ZNF43: variants seen among roughly 807,000 people sequenced by gnomAD.
ZNF43 encodes the protein zinc finger protein 43, also known as zinc finger protein 39-like 1 (KOX 27).
ZNF43 carries 44 observed loss-of-function variants against 68.4 expected under a neutral mutation model. The observed-to-expected ratio is 0.64, with a 90% CI of 0.51 to 0.83. The LOEUF (loss-of-function observed/expected upper bound fraction) is 0.83. ZNF43 is among the 40% of genes least tolerant of loss of function. The probability of loss-of-function intolerance (pLI) is 0.00; values close to 1 mark genes in which losing one functional copy is unlikely to be tolerated. For missense variants in ZNF43, 896 were observed against 933.2 expected (o/e 0.96, Z 0.52); for synonymous variants, 308 against 307.8 (o/e 1.00, Z -0.01).
rs990895750 is a variant in ZNF43, at chr19:21,827,614, G to A, written c.4-8393C>T. Among the ~76,000 whole-genome samples the A allele has an allele frequency of 2.6e-5, 4 of 151,044 alleles. No individual in the cohort carries two copies. In the East Asian group the frequency reaches 5.9e-4, roughly 22 times the overall value. On this transcript the variant is annotated intron_variant, in intron 1 of 3. Transcript: ENST00000354959. Reference sequence around the variant, plus strand: ...CAACCTCAAGTGATCCACCCACCTTGGCCTCCCAAAGTGCTGGGATTACAG... The same window carrying A: ...CAACCTCAAGTGATCCACCCACCTTAGCCTCCCAAAGTGCTGGGATTACAG...
Position 21,809,336 on chromosome 19 carries a change from T to C in ZNF43, c.701A>G (p.Glu234Gly). 1 of 1,613,884 alleles carries C rather than the reference T, an allele frequency of 6.2e-7. No homozygotes were observed. The highest frequency in any genetic ancestry group is 8.5e-7 in the Non-Finnish European group (1 of 1,179,910). Residue 234 changes from glutamate (E) to glycine (G), a missense_variant, in exon 4 of 4, where the codon GAA becomes GGA. Physicochemically the swap from Glu to Gly is moderately conservative, Grantham distance 98. Coordinates refer to ENST00000354959, the MANE Select transcript of ZNF43 (RefSeq NM_003423.4). The part of the protein sequence containing the change: ...NTGEKPYTCE[E>G]CGKVFNWSSR... ...GGACCAATTAAAGACTTTGCCACAT[T>C]CTTCACATGTGTAGGGTTTCTCTCC... is the stretch of plus-strand genomic sequence containing the variant.
At position 21,808,865 on chromosome 19, in the gene ZNF43, A is replaced by T. The variant is rs2037118610; in HGVS notation, c.1172T>A (p.Ile391Asn). 6.2e-7 allele frequency: 1 copy of T among 1,612,986 alleles called. No individual in the cohort carries two copies. The highest frequency in any genetic ancestry group is 8.5e-7 in the Non-Finnish European group (1 of 1,179,716). The change falls in exon 4 of 4, where the codon ATT becomes AAT. Residue 391 changes from isoleucine (I) to asparagine (N), a missense_variant. Physicochemically the swap from Ile to Asn is moderately radical, Grantham distance 149 (BLOSUM62 -3). Transcript: ENST00000354959. The part of the protein sequence containing the change: ...RSSNLTKHKK[I>N]HTEKKPYKCE... ...TTTGTAGGGTTTCTTTTCAGTATGAATTTTCTTATGTTTAGTAAGGTTTGA... is the reference window on the plus strand; with the variant it reads ...TTTGTAGGGTTTCTTTTCAGTATGATTTTTCTTATGTTTAGTAAGGTTTGA...
intron 3 of ZNF43, among the ~76,000 whole-genome samples, chr19:21,813,171 G>C (rs1285946933): frequency 2.0e-5 from 3 of 151,806 alleles, no homozygotes; most frequent in African/African-American, 7.3e-5. Context: ...GAACCCAGTG[G>C]GGCAGAGGTT....
At chr19:21,833,045 T>C (rs983981716) in intron 1 of ZNF43, among the ~76,000 whole-genome samples, 2 of 152,222 alleles carry the variant, frequency 1.3e-5, no homozygotes, top group Non-Finnish European at 2.9e-5. Context: ...TTTTTATGAA[T>C]CTGTGTAACT....
At chr19:21,817,702 TGA>T (rs1278302728) in intron 3 of ZNF43, among the ~76,000 whole-genome samples, 184 bp downstream of exon 3, 2 of 152,172 alleles carry the variant, frequency 1.3e-5, no homozygotes, top group Non-Finnish European at 2.9e-5. Context: ...ATAAGAATCC[TGA>T]GAGAATGTAA....
chr19:21,814,660 A>G (rs1374703795), intron 3 of ZNF43, among the ~76,000 whole-genome samples: 1 of 151,960 alleles, frequency 6.6e-6, no homozygotes, highest in African/African-American at 2.4e-5. Flanking sequence ...CATCTGCCTC[A>G]GCCTCTCAAA....
intron 3 of ZNF43, 120 bp downstream of exon 3, chr19:21,817,768 T>C (rs1257094860): frequency 9.3e-7 from 1 of 1,074,406 alleles, no homozygotes; most frequent in Non-Finnish European, 1.4e-6. Flanking sequence ...AAACTCAGGC[T>C]TTCCAGAAAC....
At chr19:21,834,366 A>G (rs745354946) in intron 1 of ZNF43, among the ~76,000 whole-genome samples, 1 of 126,782 alleles carries the variant, frequency 7.9e-6, no homozygotes, top group Non-Finnish European at 1.8e-5. Context: ...AAAGAAAAAA[A>G]GAAAAGGAAA....
At chr19:21,834,653 G>C (rs2038601616) in intron 1 of ZNF43, among the ~76,000 whole-genome samples, 1 of 151,734 alleles carries the variant, frequency 6.6e-6, no homozygotes, top group South Asian at 2.1e-4. Flanking sequence ...CAGCTACTCG[G>C]GAGGCTGAGG....
chr19:21,847,016 C>T (rs116511066), intron 1 of ZNF43, among the ~76,000 whole-genome samples: 1,725 of 152,316 alleles, frequency 0.011, 47 homozygotes, highest in African/African-American at 0.04. Context: ...TAGCAATATG[C>T]TACAATGTTC....
In ZNF43 at chr19:21,807,216, T is replaced by G. The variant is rs1282221792; in HGVS notation, c.*391A>C. On this transcript the variant is annotated 3_prime_UTR_variant, in exon 4 of 4. Coordinates refer to ENST00000354959, the MANE Select transcript of ZNF43 (RefSeq NM_003423.4). ...AAAATGTGTACAATAAGATCTGTGATGCAAGTAATGGTACTACAACCCTCT... is the reference window on the plus strand; with the variant it reads ...AAAATGTGTACAATAAGATCTGTGAGGCAAGTAATGGTACTACAACCCTCT... The G allele has an allele frequency of 6.4e-6, 1 of 156,710 alleles. No homozygotes were observed. Among genetic ancestry groups the G allele is most frequent in the East Asian group, 1.9e-4 (1 of 5,310 alleles). 9.7% of individuals were successfully genotyped at this position (156,710 alleles called of 1,614,324 possible).
intron 3 of ZNF43, 139 bp from the exon 4 acceptor site, chr19:21,809,946 C>T (rs1488993797): frequency 8.5e-6 from 7 of 820,918 alleles, no homozygotes; most frequent in Non-Finnish European, 1.2e-5. Context: ...TATTTATAGA[C>T]ATATAAATGT....
intron 3 of ZNF43, among the ~76,000 whole-genome samples, chr19:21,817,315 G>A (rs1455785694): frequency 1.3e-5 from 2 of 150,944 alleles, no homozygotes; most frequent in Non-Finnish European, 2.9e-5. Context: ...TCACAGTAAT[G>A]GACAATGCAA....
chr19:21,833,072 C>T (rs779303454), intron 1 of ZNF43, among the ~76,000 whole-genome samples: 26 of 152,086 alleles, frequency 1.7e-4, no homozygotes, highest in Admixed American at 1.0e-3. Flanking sequence ...TTATATACCA[C>T]GTTTTCTTAT....
intron 1 of ZNF43, among the ~76,000 whole-genome samples, chr19:21,831,556 T>C (rs551970080): frequency 3.5e-4 from 53 of 152,054 alleles, no homozygotes; most frequent in Non-Finnish European, 6.6e-4. Context: ...AGACAGGGTT[T>C]CATCATGTTG....
At position 21,809,453 on chromosome 19, in the gene ZNF43, A is replaced by C; in HGVS notation, c.584T>G (p.Ile195Ser). The stretch of plus-strand genomic sequence containing the variant: ...TTTGCAGAAATTCACTCTGGTATGA[A>C]TTATTTTATGTTGAGCTAGATGTGG... ...MLPHLAQHKI[I>S]HTRVNFCKCE... The change falls in exon 4 of 4, where the codon ATT (isoleucine) becomes AGT (serine). Residue 195 changes from isoleucine (I) to serine (S), a missense_variant. Coordinates refer to ENST00000354959, the MANE Select transcript of ZNF43 (RefSeq NM_003423.4). The C allele has an allele frequency of 6.2e-7, 1 of 1,613,832 alleles. No homozygotes were observed. Among genetic ancestry groups the C allele is most frequent in the Non-Finnish European group, 8.5e-7 (1 of 1,179,898 alleles).
intron 1 of ZNF43, among the ~76,000 whole-genome samples, chr19:21,834,305 T>C (rs2038575666): frequency 7.5e-6 from 1 of 132,776 alleles, no homozygotes; most frequent in East Asian, 2.2e-4. Flanking sequence ...ATCACTGCAC[T>C]CCAGACTGGG....
At chr19:21,841,286 T>C (rs1967514439) in intron 1 of ZNF43, 1 of 152,146 alleles carries the variant, frequency 6.6e-6, no homozygotes, top group Admixed American at 6.5e-5. Context: ...AGAAAGTAAA[T>C]GGGAGAGTAA....
chr19:21,835,354 A>T (rs2038659116), intron 1 of ZNF43, among the ~76,000 whole-genome samples: 1 of 132,612 alleles, frequency 7.5e-6, no homozygotes, highest in Admixed American at 7.4e-5. Flanking sequence ...AATCTAGTTT[A>T]GTTTTTTTTT....
Sources: allele counts gnomAD v4.1 joint callset (sites outside exome capture counted in the v4.1 genomes callset), GRCh38; gene constraint gnomAD v4.1.1; transcripts MANE v1.5; gene names NCBI Gene and HGNC (gene_info 2026-07-23, HGNC 2026-07-21).